The following EVPL variants were observed in gnomAD, a reference collection of about 807,000 sequenced individuals.
EVPL encodes 210 kDa cornified envelope precursor protein.
A neutral mutation model predicts 129.7 loss-of-function variants in EVPL; 94 were observed. That is an observed-to-expected ratio of 0.72 (90% CI 0.61 to 0.86). The LOEUF (loss-of-function observed/expected upper bound fraction) is 0.86, where lower values mean the gene tolerates loss of function less well. Among genes scored for constraint, EVPL ranks in the 40% least tolerant of loss-of-function variants. EVPL has a pLI of 0.00. For synonymous variants in EVPL, 1,172 were observed against 1,191.1 expected (o/e 0.98, Z 0.33); for missense variants, 2,625 against 2,721.1 (o/e 0.96, Z 0.79).
In EVPL at chr17:76,014,571, TTC is replaced by T; in HGVS notation, c.2226_2227del (p.Lys743GlyfsTer18). 1 of 1,611,832 alleles carries T rather than the reference TTC, an allele frequency of 6.2e-7. No homozygotes were observed. The highest frequency in any genetic ancestry group is 8.5e-7 in the Non-Finnish European group (1 of 1,179,522). On this transcript the variant is annotated frameshift_variant, in exon 18 of 22. Coordinates refer to ENST00000301607, the MANE Select transcript of EVPL (RefSeq NM_001988.4). LOFTEE classifies it high-confidence loss of function. The stretch of plus-strand genomic sequence containing the variant: ...GGTGAGGGCGGCATCCTGCACCACC[TTC>T]TCCCTGCAGGAGGACGAGGCCCAGA...
chr17:76,009,505 GCTTCTCCACCTC>G lies in EVPL; in HGVS notation c.3688_3699del (p.Glu1230_Lys1233del). On this transcript the variant is annotated inframe_deletion, in exon 22 of 22. Coordinates refer to ENST00000301607, the MANE Select transcript of EVPL (RefSeq NM_001988.4). The surrounding 1 kb of genome is among the most constrained non-coding windows in gnomAD (Gnocchi z 5.9). ...CGCAGGACCTCCAGGTCGGGCAGCA[GCTTCTCCACCTC>G]CTTCTCCACACCGCTCCTCTTGCCC... 41 of 1,614,096 alleles carry G rather than the reference GCTTCTCCACCTC, an allele frequency of 2.5e-5. No individual in the cohort carries two copies. Among genetic ancestry groups the G allele is most frequent in the Non-Finnish European group, 3.5e-5 (41 of 1,180,022 alleles).
At position 76,021,686 on chromosome 17, in the gene EVPL, C is replaced by A. The variant is rs772561162; in HGVS notation, c.903G>T (p.Val301=). 4 of 1,551,476 alleles carry A rather than the reference C, an allele frequency of 2.6e-6. No individual in the cohort carries two copies. In the African/African-American group the frequency reaches 5.6e-5, roughly 22 times the overall value. ...ERMVELRHPA[V]GPIQAHQEAL... Reference sequence around the variant, plus strand: ...TGCCCCAGCGCACCTGGATGGGCCCCACCGCGGGGTGCCGCAGCTCCACCA... The same window carrying A: ...TGCCCCAGCGCACCTGGATGGGCCCAACCGCGGGGTGCCGCAGCTCCACCA... The change falls in exon 8 of 22, where the codon GTG becomes GTT. Residue 301 remains valine, a synonymous_variant. Transcript: ENST00000301607.
Position 76,023,302 on chromosome 17 carries a change from T to G in EVPL, c.470A>C (p.Glu157Ala). ...CTTTGAGTTCCTGACCTGTTTCTGCTCCAGCACGCGTGCCCAGTCGACCCT... is the reference window on the plus strand; with the variant it reads ...CTTTGAGTTCCTGACCTGTTTCTGCGCCAGCACGCGTGCCCAGTCGACCCT... ...GPRVDWARVLEQKQKQVCAGQ... is the reference protein window; with the variant it reads ...GPRVDWARVLAQKQKQVCAGQ... Residue 157 changes from glutamate to alanine, a missense_variant, in exon 4 of 22, where the codon GAG becomes GCG. This residue lies in a region of EVPL where 1,024 missense variants were observed against 997.5 expected (regional missense o/e 1.03). Coordinates refer to ENST00000301607, the MANE Select transcript of EVPL (RefSeq NM_001988.4). 6.2e-7 allele frequency: 1 copy of G among 1,613,904 alleles called. No homozygotes were observed. The highest frequency in any genetic ancestry group is 8.5e-7 in the Non-Finnish European group (1 of 1,180,000).
At chr17:76,012,920 A>AT (rs1173724356) in intron 18 of EVPL, among the ~76,000 whole-genome samples, 1 of 150,814 alleles carries the variant, frequency 6.6e-6, no homozygotes, top group Non-Finnish European at 1.5e-5. Flanking sequence ...AATTTTTTGT[A>AT]TTTTTAGTAG....
rs1245902672 is a variant in EVPL, at chr17:76,009,164, C to T, written c.4041G>A (p.Ala1347=). 12 of 1,607,908 alleles carry T rather than the reference C, an allele frequency of 7.5e-6. No homozygotes were observed. Among genetic ancestry groups the T allele is most frequent in the East Asian group, 4.5e-5 (2 of 44,862 alleles). ...VREAAQKRRA[A]EDAVYELQSK... ...TCTGCAGCTCGTACACCGCGTCCTC[C>T]GCGGCCCGCCTCTTCTGGGCCGCCT... Residue 1347 remains alanine (A), a synonymous_variant, in exon 22 of 22, where the codon GCG becomes GCA. Transcript: ENST00000301607. This position sits in a 1 kb window ranked among gnomAD's most constrained non-coding sequence, Gnocchi z 5.9.
chr17:76,023,213 G>A (rs2066474628), intron 4 of EVPL, 79 bp downstream of exon 4: 1 of 1,586,246 alleles, frequency 6.3e-7, no homozygotes, highest in Non-Finnish European at 8.6e-7. Flanking sequence ...GACTATTCAA[G>A]CCTGCAGTCA....
At chr17:76,023,231 G>T in intron 4 of EVPL, 61 bp downstream of exon 4, 1 of 1,602,096 alleles carries the variant, frequency 6.2e-7, no homozygotes. Flanking sequence ...TCAGGCCCTG[G>T]ATTAAATGCA....
chr17:76,015,053 C>A lies in EVPL; in HGVS notation c.2085G>T (p.Ala695=), dbSNP rs761006934. The stretch of plus-strand genomic sequence containing the variant: ...CGCATGCGTGCTCCGAGGCCTTCAG[C>A]GCGCGGTGTAGCCGCAGCACGCAGG... ...QQTCVLRLHR[A]LKASEHACAA... Residue 695 remains alanine, a synonymous_variant, in exon 17 of 22, where the codon GCG becomes GCT. Transcript: ENST00000301607. The A allele has an allele frequency of 2.5e-6, 4 of 1,588,244 alleles. No homozygotes were observed. The highest frequency in any genetic ancestry group is 2.6e-6 in the Non-Finnish European group (3 of 1,171,454).
At position 76,008,953 on chromosome 17, in the gene EVPL, C is replaced by T. The variant is rs768546717; in HGVS notation, c.4252G>A (p.Glu1418Lys). The T allele has an allele frequency of 2.5e-6, 4 of 1,611,998 alleles. No homozygotes were observed. ...TGGAAGCTGAGCAGGCCCTCCTGCT[C>T]CTCCACGCCGGCCCGCAGCTGCTGC... ...EVQQLRAGVE[E>K]QEGLLSFQED... The change falls in exon 22 of 22, where the codon GAG becomes AAG. Residue 1418 changes from glutamate (E) to lysine (K), a missense_variant. Transcript: ENST00000301607. This position sits in a 1 kb window ranked among gnomAD's most constrained non-coding sequence, Gnocchi z 7.4.
Position 76,008,566 on chromosome 17 carries a change from G to A in EVPL, c.4639C>T (p.Arg1547Cys), listed in dbSNP as rs1246199373. Reference sequence around the variant, plus strand: ...TCCTCCCGGGCCTGCCGGGCCGTGCGCTCCCTGTTGAGCATCTCCCACACG... The same window carrying A: ...TCCTCCCGGGCCTGCCGGGCCGTGCACTCCCTGTTGAGCATCTCCCACACG... ...ARVWEMLNRERTARQAREEEA... is the reference protein window; with the variant it reads ...ARVWEMLNRECTARQAREEEA... The change falls in exon 22 of 22, where the codon CGC (arginine) becomes TGC (cysteine). Residue 1547 changes from arginine to cysteine, a missense_variant. Arg to Cys is a radical substitution (Grantham distance 180). Coordinates refer to ENST00000301607, the MANE Select transcript of EVPL (RefSeq NM_001988.4). This position sits in a 1 kb window ranked among gnomAD's most constrained non-coding sequence, Gnocchi z 7.4. The A allele has an allele frequency of 3.1e-6, 5 of 1,609,804 alleles. No homozygotes were observed. Among genetic ancestry groups the A allele is most frequent in the Admixed American group, 1.7e-5 (1 of 60,010 alleles).
At chr17:76,023,207 A>G in intron 4 of EVPL, 85 bp downstream of exon 4, 2 of 1,580,206 alleles carry the variant, frequency 1.3e-6, no homozygotes, top group East Asian at 2.2e-5. Context: ...CACCCTGACT[A>G]TTCAAGCCTG....
Position 76,007,586 on chromosome 17 carries a change from G to T in EVPL, c.5619C>A (p.Ser1873Arg). 6.2e-7 allele frequency: 1 copy of T among 1,613,994 alleles called. No individual in the cohort carries two copies. The highest frequency in any genetic ancestry group is 8.5e-7 in the Non-Finnish European group (1 of 1,180,038). ...CCTTGTGCACAGAGTAGCGCTCACG[G>T]CTGAGCAGGTCCACGATGCCCCCTG... ...AATGGIVDLL[S>R]RERYSVHKAM... Residue 1873 changes from serine to arginine, a missense_variant, in exon 22 of 22, where the codon AGC (serine) becomes AGA (arginine). By Grantham distance (110) the Ser-to-Arg change is moderately radical (BLOSUM62 -1). Transcript: ENST00000301607. The surrounding 1 kb of genome is among the most constrained non-coding windows in gnomAD (Gnocchi z 8.8).
intron 4 of EVPL, 59 bp downstream of exon 4, chr17:76,023,233 T>C: frequency 6.2e-7 from 1 of 1,603,464 alleles, no homozygotes; most frequent in Non-Finnish European, 8.5e-7. Flanking sequence ...AGGCCCTGGA[T>C]TAAATGCAGT....
chr17:76,008,967 C>G lies in EVPL; in HGVS notation c.4238G>C (p.Arg1413Pro). 3.1e-6 allele frequency: 5 copies of G among 1,611,662 alleles called. No homozygotes were observed. The highest frequency in any genetic ancestry group is 4.2e-6 in the Non-Finnish European group (5 of 1,179,930). Residue 1413 changes from arginine (R) to proline (P), a missense_variant, in exon 22 of 22, where the codon CGG becomes CCG. Arg to Pro is a moderately radical substitution (Grantham distance 103). Coordinates refer to ENST00000301607, the MANE Select transcript of EVPL (RefSeq NM_001988.4). This position sits in a 1 kb window ranked among gnomAD's most constrained non-coding sequence, Gnocchi z 7.4. ...RQLELEVQQL[R>P]AGVEEQEGLL... ...GCCCTCCTGCTCCTCCACGCCGGCC[C>G]GCAGCTGCTGCACCTCAAGCTCTAG...
Position 76,019,523 on chromosome 17 carries a change from C to T in EVPL, c.1137+5G>A. The T allele has an allele frequency of 6.5e-7, 1 of 1,549,904 alleles. No individual in the cohort carries two copies. Among genetic ancestry groups the T allele is most frequent in the Non-Finnish European group, 8.7e-7 (1 of 1,154,470 alleles). ...GGTGCAGACGGCCTGGTGGGGTTGT[C>T]TCACCTCCAGCTGTTGCAGCAGCTC... On this transcript the variant is annotated splice_donor_5th_base_variant and intron_variant, in intron 10 of 21. Coordinates refer to ENST00000301607, the MANE Select transcript of EVPL (RefSeq NM_001988.4).
In EVPL at chr17:76,024,243, C is replaced by T. The variant is rs2066484149; in HGVS notation, c.99-123G>A. On this transcript the variant is annotated intron_variant, in intron 1 of 21. Transcript: ENST00000301607. This position sits in a 1 kb window ranked among gnomAD's most constrained non-coding sequence, Gnocchi z 4.5. ...CCCACAGCCTAGCTCACTGCCCTGA[C>T]TTTGGGGTCTCTCTCTGCAGAAGGC... 5 of 884,076 alleles carry T rather than the reference C, an allele frequency of 5.7e-6. No individual in the cohort carries two copies. Among genetic ancestry groups the T allele is most frequent in the Non-Finnish European group, 7.1e-6 (4 of 561,630 alleles). 54.8% of individuals were successfully genotyped at this position (884,076 alleles called of 1,614,324 possible).
Position 76,018,135 on chromosome 17 carries a change from A to G in EVPL, c.1537+26T>C, listed in dbSNP as rs1187723502. 2.6e-6 allele frequency: 4 copies of G among 1,550,170 alleles called. No homozygotes were observed. In the South Asian group the frequency reaches 4.8e-5, roughly 18 times the overall value. On this transcript the variant is annotated intron_variant, in intron 13 of 21. Transcript: ENST00000301607. ...ATCTACTCCTTCTAGCCCCACAGCC[A>G]CCTCTCCCCGGGCCACCCTGGGTAC... is the stretch of plus-strand genomic sequence containing the variant.
Position 76,011,993 on chromosome 17 carries a change from G to A in EVPL, c.2457+13C>T, listed in dbSNP as rs1447119115. On this transcript the variant is annotated intron_variant, in intron 19 of 21. Coordinates refer to ENST00000301607, the MANE Select transcript of EVPL (RefSeq NM_001988.4). The stretch of plus-strand genomic sequence containing the variant: ...ATGCATGGAGAGGGGCAAGCTGAAG[G>A]CAAGCTGCTTACCTGGAGCGCTGCC... 2.5e-6 allele frequency: 4 copies of A among 1,611,636 alleles called. No homozygotes were observed. Among genetic ancestry groups the A allele is most frequent in the Middle Eastern group, 1.7e-4 (1 of 6,000 alleles).
intron 1 of EVPL, among the ~76,000 whole-genome samples, chr17:76,025,625 C>T (rs748570034): frequency 1.3e-5 from 2 of 152,184 alleles, no homozygotes; most frequent in Non-Finnish European, 1.5e-5. Flanking sequence ...GGTCACTCAG[C>T]GAGAGTGTTA....
Sources: allele counts gnomAD v4.1 joint callset (sites outside exome capture counted in the v4.1 genomes callset), GRCh38; gene constraint gnomAD v4.1.1; regional missense constraint gnomAD v4.1.1; non-coding constraint Gnocchi (gnomAD v3.1); transcripts MANE v1.5; gene names NCBI Gene and HGNC (gene_info 2026-07-23, HGNC 2026-07-21).